NKAIN2: variants seen among roughly 807,000 people sequenced by gnomAD.
The protein encoded by NKAIN2 is sodium/potassium transporting ATPase interacting 2.
A neutral mutation model predicts 32.6 loss-of-function variants in NKAIN2; 14 were observed. That is an observed-to-expected ratio of 0.43 (90% CI 0.28 to 0.67). NKAIN2 has a LOEUF of 0.67. Ranked by LOEUF, NKAIN2 falls within the 30% of genes least tolerant of loss-of-function variation. The pLI is 0.17. For synonymous variants in NKAIN2, 80 were observed against 87.2 expected (o/e 0.92, Z 0.46); for missense variants, 198 against 258.3 (o/e 0.77, Z 1.60).
At chr6:124,626,391 C>CATGAT (rs1344683947) in intron 3 of NKAIN2, among the ~76,000 whole-genome samples, 3 of 151,906 alleles carry the variant, frequency 2.0e-5, no homozygotes, top group Admixed American at 2.0e-4. Flanking sequence ...ATCACAGAGA[C>CATGAT]ATGATATAAT....
At chr6:124,253,850 T>G (rs541464238) in intron 1 of NKAIN2, among the ~76,000 whole-genome samples, 3,270 of 145,522 alleles carry the variant, frequency 0.022, 77 homozygotes, top group African/African-American at 0.08. Context: ...TTTTTTTTTT[T>G]GAAACAGAGT....
intron 1 of NKAIN2, among the ~76,000 whole-genome samples, chr6:124,153,117 TTTTGTATA>T (rs532062567): frequency 5.3e-4 from 80 of 151,934 alleles, no homozygotes; most frequent in Non-Finnish European, 9.1e-4. Context: ...TAACAATAAT[TTTTGTATA>T]TTTCAAAATA....
chr6:123,906,926 G>A (rs937611083), intron 1 of NKAIN2, among the ~76,000 whole-genome samples: 8 of 152,204 alleles, frequency 5.3e-5, no homozygotes, highest in East Asian at 1.9e-4. Context: ...TTACTATAAC[G>A]TTCATAACAA....
chr6:124,372,388 A>T (rs1799807893), intron 3 of NKAIN2, among the ~76,000 whole-genome samples: 1 of 152,182 alleles, frequency 6.6e-6, no homozygotes, highest in Admixed American at 6.5e-5. Context: ...GGTCTGTTCC[A>T]TCTGTGTTTA....
intron 1 of NKAIN2, among the ~76,000 whole-genome samples, chr6:123,992,203 A>G (rs1400478211): frequency 1.6e-4 from 25 of 152,142 alleles, no homozygotes; most frequent in Non-Finnish European, 1.5e-5. Flanking sequence ...AATGATGTTC[A>G]AGAGAGAGAA....
intron 3 of NKAIN2, chr6:124,390,714 G>C (rs1773103943): frequency 6.6e-6 from 1 of 152,050 alleles, no homozygotes; most frequent in Non-Finnish European, 1.5e-5. Context: ...ATAATGATAG[G>C]TTTCTCTGTC....
chr6:123,924,719 A>C (rs1775926930), intron 1 of NKAIN2, among the ~76,000 whole-genome samples: 1 of 152,118 alleles, frequency 6.6e-6, no homozygotes, highest in African/African-American at 2.4e-5. Context: ...GATATCTAAA[A>C]ATTCTTCCTA....
At chr6:124,582,752 A>G (rs1562268483) in intron 3 of NKAIN2, among the ~76,000 whole-genome samples, 2 of 152,224 alleles carry the variant, frequency 1.3e-5, no homozygotes, top group African/African-American at 4.8e-5. Flanking sequence ...ATTCAATAAC[A>G]CATTAAGCAA....
chr6:124,394,472 T>C (rs866496457), intron 3 of NKAIN2, among the ~76,000 whole-genome samples: 1 of 149,658 alleles, frequency 6.7e-6, no homozygotes, highest in Non-Finnish European at 1.5e-5. Flanking sequence ...GATAGATAGA[T>C]AGATAGATAG....
At chr6:124,104,066 G>A (rs1005332029) in intron 1 of NKAIN2, among the ~76,000 whole-genome samples, 1 of 152,040 alleles carries the variant, frequency 6.6e-6, no homozygotes, top group Admixed American at 6.5e-5. Context: ...CAGCCTGAGC[G>A]ACAGAGCGAG....
intron 1 of NKAIN2, among the ~76,000 whole-genome samples, chr6:124,199,791 G>C (rs537305674): frequency 6.6e-6 from 1 of 152,020 alleles, no homozygotes; most frequent in Non-Finnish European, 1.5e-5. Flanking sequence ...CAAAGCAAAG[G>C]ATTATTTTGA....
chr6:124,337,269 G>T (rs543056584), intron 2 of NKAIN2, among the ~76,000 whole-genome samples: 6 of 152,234 alleles, frequency 3.9e-5, no homozygotes, highest in Non-Finnish European at 7.4e-5. Context: ...GGCCAAGATG[G>T]GCAGATCCCT....
intron 3 of NKAIN2, among the ~76,000 whole-genome samples, chr6:124,427,390 C>G (rs6910176): frequency 0.014 from 2,081 of 152,220 alleles, 48 homozygotes; most frequent in African/African-American, 0.048. Context: ...TCATCCTAAT[C>G]ATCATCTTGA....
intron 4 of NKAIN2, among the ~76,000 whole-genome samples, chr6:124,733,022 G>A (rs118056670): frequency 3.5e-3 from 531 of 151,954 alleles, no homozygotes; most frequent in Non-Finnish European, 6.1e-3. Flanking sequence ...AAAGTGGATG[G>A]ACCTTAAGGG....
chr6:124,115,373 G>A (rs1785561235), intron 1 of NKAIN2, among the ~76,000 whole-genome samples: 1 of 152,092 alleles, frequency 6.6e-6, no homozygotes, highest in South Asian at 2.1e-4. Flanking sequence ...TAAATGTCAT[G>A]TGCCTTCACA....
chr6:124,664,662 C>T (rs956077243), intron 4 of NKAIN2, among the ~76,000 whole-genome samples: 3 of 148,822 alleles, frequency 2.0e-5, no homozygotes, highest in Non-Finnish European at 3.0e-5. Flanking sequence ...GGCGTAGTGG[C>T]GGGCGCCTGT....
chr6:123,932,344 G>T, intron 1 of NKAIN2, among the ~76,000 whole-genome samples: 1 of 150,410 alleles, frequency 6.6e-6, no homozygotes, highest in African/African-American at 2.5e-5. Context: ...ACTCTTCAAT[G>T]ACTCTGTTCC....
chr6:124,245,514 A>G (rs1793350671), intron 1 of NKAIN2, among the ~76,000 whole-genome samples: 1 of 152,124 alleles, frequency 6.6e-6, no homozygotes, highest in African/African-American at 2.4e-5. Context: ...TTGCTAAGAA[A>G]AAAAATGTTG....
chr6:124,220,579 T>C (rs1791763833), intron 1 of NKAIN2, among the ~76,000 whole-genome samples: 1 of 151,230 alleles, frequency 6.6e-6, no homozygotes, highest in Non-Finnish European at 1.5e-5. Context: ...CATCTTAAAT[T>C]TTTTTCTTAG....
Sources: gnomAD v4.1 joint callset for allele counts (sites outside exome capture counted in the v4.1 genomes callset) on GRCh38, gnomAD v4.1.1 for gene constraint, MANE v1.5 for transcripts, NCBI Gene and HGNC (gene_info 2026-07-23, HGNC 2026-07-21) for gene names.